The following SLFN5 variants were observed in gnomAD, a reference collection of about 807,000 sequenced individuals.
SLFN5 encodes schlafen family member 5.
SLFN5 carries 34 observed loss-of-function variants against 48.5 expected under a neutral mutation model. That is an observed-to-expected ratio of 0.70 (90% CI 0.53 to 0.93). The LOEUF (loss-of-function observed/expected upper bound fraction) is 0.93, where lower values mean the gene tolerates loss of function less well. SLFN5 is among the 40% of genes least tolerant of loss of function. The probability of loss-of-function intolerance (pLI) is 0.00; values close to 1 mark genes in which losing one functional copy is unlikely to be tolerated. For missense variants in SLFN5, 1,006 were observed against 1,071.3 expected, an observed-to-expected ratio of 0.94 and a Z score of 0.85; for synonymous variants, 387 against 396.2, an observed-to-expected ratio of 0.98 and a Z score of 0.28.
Position 35,259,262 on chromosome 17 carries a change from A to C in SLFN5, c.572A>C (p.Glu191Ala), listed in dbSNP as rs768015031. The part of the protein sequence containing the change: ...LQYLEKLNLP[E>A]STHVEFVMFS... ...TATCTGGAAAAACTCAACCTTCCTG[A>C]GTCCACACATGTTGAATTTGTAATG... is the stretch of plus-strand genomic sequence containing the variant. The change falls in exon 2 of 5, where the codon GAG (glutamate) becomes GCG (alanine). Residue 191 changes from glutamate to alanine, a missense_variant. Transcript: ENST00000299977. The C allele has an allele frequency of 8.1e-6, 13 of 1,614,052 alleles. 1 individual carries two copies. In the Admixed American group the frequency reaches 2.0e-4, roughly 25 times the overall value.
At chr17:35,254,154 T>C (rs571364248) in intron 1 of SLFN5, among the ~76,000 whole-genome samples, 2 of 152,340 alleles carry the variant, frequency 1.3e-5, no homozygotes, top group Admixed American at 1.3e-4. Context: ...TTATCTTTTA[T>C]TTACTATACT....
intron 3 of SLFN5, 104 bp from the exon 4 acceptor site, chr17:35,264,079 G>A (rs952519824): frequency 2.2e-6 from 3 of 1,338,076 alleles, no homozygotes; most frequent in Non-Finnish European, 3.0e-6. Context: ...ACCTATTGTA[G>A]ATACATAGTA....
intron 2 of SLFN5, 54 bp from the exon 3 acceptor site, chr17:35,260,917 A>C: frequency 6.2e-7 from 1 of 1,603,166 alleles, no homozygotes; most frequent in Admixed American, 1.7e-5. Context: ...CAGCTCAGCT[A>C]TAAGTTGGGG....
chr17:35,256,773 T>C (rs1383061184), intron 1 of SLFN5, among the ~76,000 whole-genome samples: 2 of 152,156 alleles, frequency 1.3e-5, no homozygotes, highest in Non-Finnish European at 2.9e-5. Flanking sequence ...AAGCCTCTTT[T>C]GATCTGATTT....
At chr17:35,254,083 C>T (rs1038682077) in intron 1 of SLFN5, among the ~76,000 whole-genome samples, 1 of 152,130 alleles carries the variant, frequency 6.6e-6, no homozygotes, top group African/African-American at 2.4e-5. Flanking sequence ...GAACAATATT[C>T]GGAGTTTATA....
At chr17:35,260,861 T>C (rs564901391) in intron 2 of SLFN5, 110 bp from the exon 3 acceptor site, 5 of 1,362,570 alleles carry the variant, frequency 3.7e-6, no homozygotes, top group South Asian at 1.7e-5. Context: ...CAAGTATCTG[T>C]GGGCCGTGGC....
intron 1 of SLFN5, among the ~76,000 whole-genome samples, chr17:35,251,488 C>T (rs12948006): frequency 6.6e-6 from 1 of 151,558 alleles, no homozygotes; most frequent in East Asian, 2.0e-4. Flanking sequence ...TCACTGCAAG[C>T]TCCGCCTCCC....
Position 35,266,141 on chromosome 17 carries a change from GAT to G in SLFN5, c.*254_*255del, listed in dbSNP as rs1491193664. On this transcript the variant is annotated 3_prime_UTR_variant, in exon 5 of 5. Transcript: ENST00000299977. ...TAATTAGAGGACCGTGAGACTCAGA[GAT>G]GTGTGTGTGTGTGTGTGTGTGTGTG... 377 of 354,068 alleles carry G rather than the reference GAT, an allele frequency of 1.1e-3. 2 individuals are homozygous for G. Among genetic ancestry groups the G allele is most frequent in the African/African-American group, 4.3e-3 (169 of 39,386 alleles). The allele number at this position is 354,068 out of a possible 1,614,324, so 21.9% of individuals were successfully genotyped here.
At chr17:35,264,044 T>C (rs1162379645) in intron 3 of SLFN5, 139 bp from the exon 4 acceptor site, 2 of 1,066,266 alleles carry the variant, frequency 1.9e-6, no homozygotes, top group Non-Finnish European at 1.3e-6. Context: ...ATAAGAATTG[T>C]TTATCTTTTT....
chr17:35,265,706 G>A lies in SLFN5; in HGVS notation c.2494G>A (p.Ala832Thr), dbSNP rs760816236. The change falls in exon 5 of 5, where the codon GCG becomes ACG. Residue 832 changes from alanine to threonine, a missense_variant. Coordinates refer to ENST00000299977, the MANE Select transcript of SLFN5 (RefSeq NM_144975.4). ...ESDLLLQIGD[A>T]SDVLTDHIVL... ...TGATCTGTTACTACAGATCGGTGAT[G>A]CGTCGGATGTTCTAACCGATCACAT... 5 of 1,614,102 alleles carry A rather than the reference G, an allele frequency of 3.1e-6. No homozygotes were observed. The highest frequency in any genetic ancestry group is 4.5e-5 in the East Asian group (2 of 44,896).
chr17:35,243,631 G>A (rs1392271484), intron 1 of SLFN5, among the ~76,000 whole-genome samples: 1 of 152,188 alleles, frequency 6.6e-6, no homozygotes, highest in African/African-American at 2.4e-5. Flanking sequence ...TCTTCAAACT[G>A]TAACAACAGG....
intron 1 of SLFN5, among the ~76,000 whole-genome samples, chr17:35,247,577 T>C (rs2092433648): frequency 6.6e-6 from 1 of 152,242 alleles, no homozygotes; most frequent in Non-Finnish European, 1.5e-5. Context: ...TGTCTCTTTT[T>C]TTTGAGTTCC....
intron 2 of SLFN5, among the ~76,000 whole-genome samples, chr17:35,260,032 GC>G (rs1904475703): frequency 6.6e-6 from 1 of 152,076 alleles, no homozygotes; most frequent in African/African-American, 2.4e-5. Flanking sequence ...TCAATTATGA[GC>G]TTGCATTTAA....
At chr17:35,243,298 GA>G (rs1328075274) in intron 1 of SLFN5, among the ~76,000 whole-genome samples, 155 bp downstream of exon 1, 1 of 152,228 alleles carries the variant, frequency 6.6e-6, no homozygotes, top group African/African-American at 2.4e-5. Context: ...CCGCTGGGGA[GA>G]TTTAGTTTGT....
At chr17:35,260,319 C>T (rs1035456719) in intron 2 of SLFN5, among the ~76,000 whole-genome samples, 4 of 152,174 alleles carry the variant, frequency 2.6e-5, no homozygotes, top group Admixed American at 1.3e-4. Context: ...CCAATAGTAA[C>T]TTCTTCAAAG....
rs1266375023 is a variant in SLFN5, at chr17:35,267,678, C to G, written c.*1790C>G. Reference sequence around the variant, plus strand: ...GAGGTTACAGTGAGCTATGATCATACCAGTGCACTCCAGTCTGGGTGACAG... The same window carrying G: ...GAGGTTACAGTGAGCTATGATCATAGCAGTGCACTCCAGTCTGGGTGACAG... On this transcript the variant is annotated 3_prime_UTR_variant, in exon 5 of 5. Transcript: ENST00000299977. 6.6e-6 allele frequency: 1 copy of G among 152,112 alleles called. No individual in the cohort carries two copies. Among genetic ancestry groups the G allele is most frequent in the East Asian group, 1.9e-4 (1 of 5,194 alleles). 9.4% of individuals were successfully genotyped at this position (152,112 alleles called of 1,614,324 possible).
chr17:35,271,159 A>C lies in SLFN5; in HGVS notation c.*5271A>C, dbSNP rs1416170123. 3 of 152,198 alleles carry C rather than the reference A, an allele frequency of 2.0e-5. No homozygotes were observed. Among genetic ancestry groups the C allele is most frequent in the Middle Eastern group, 3.4e-3 (1 of 294 alleles). The allele number at this position is 152,198 out of a possible 1,614,324, so 9.4% of individuals were successfully genotyped here. ...TCAGAGTCGAGGGCAAAATAAATAG[A>C]TTTTCTGACTTGGAACAAGTAGGAA... is the stretch of plus-strand genomic sequence containing the variant. On this transcript the variant is annotated 3_prime_UTR_variant, in exon 5 of 5. Coordinates refer to ENST00000299977, the MANE Select transcript of SLFN5 (RefSeq NM_144975.4).
At chr17:35,251,311 T>C (rs77591182) in intron 1 of SLFN5, among the ~76,000 whole-genome samples, 18,755 of 152,278 alleles carry the variant, frequency 0.12, 1,294 homozygotes, top group African/African-American at 0.18. Flanking sequence ...CAAAACTTGA[T>C]GATGCTTCTG....
chr17:35,264,785 G>C lies in SLFN5; in HGVS notation c.1741G>C (p.Gly581Arg). The change falls in exon 4 of 5, where the codon GGA (glycine) becomes CGA (arginine). Residue 581 changes from glycine to arginine, a missense_variant. Gly to Arg is a moderately radical substitution (Grantham distance 125). Transcript: ENST00000299977. Reference sequence around the variant, plus strand: ...AGAGTTGTTTGTTCATGGCTTACCTGGATCAGGGAAGACTATCTTGGCTCT... The same window carrying C: ...AGAGTTGTTTGTTCATGGCTTACCTCGATCAGGGAAGACTATCTTGGCTCT... ...TRELFVHGLP[G>R]SGKTILALRI... The C allele has an allele frequency of 1.3e-6, 2 of 1,596,134 alleles. No homozygotes were observed. The highest frequency in any genetic ancestry group is 1.7e-6 in the Non-Finnish European group (2 of 1,173,692).
Sources: gnomAD v4.1 joint callset for allele counts (sites outside exome capture counted in the v4.1 genomes callset) on GRCh38, gnomAD v4.1.1 for gene constraint, MANE v1.5 for transcripts, NCBI Gene and HGNC (gene_info 2026-07-23, HGNC 2026-07-21) for gene names.